AK9: variants seen among roughly 807,000 people sequenced by gnomAD.
AK9 encodes adenylate kinase domain containing 1.
A neutral mutation model predicts 239.6 loss-of-function variants in AK9; 191 were observed. The observed-to-expected ratio is 0.80, with a 90% CI of 0.71 to 0.90. The LOEUF is 0.90. Ranked by LOEUF, AK9 falls within the 40% of genes least tolerant of loss-of-function variation. The pLI is 0.00. For synonymous variants in AK9, 689 were observed against 721.0 expected (o/e 0.96, Z 0.71); for missense variants, 1,995 against 2,214.7 (o/e 0.90, Z 1.99).
At chr6:109,683,280 A>G (rs1583573982) in intron 1 of AK9, among the ~76,000 whole-genome samples, 1 of 152,362 alleles carries the variant, frequency 6.6e-6, no homozygotes, top group Middle Eastern at 3.4e-3. Flanking sequence ...TGACAAGCCC[A>G]CAGCCAATAT....
intron 8 of AK9, among the ~76,000 whole-genome samples, chr6:109,650,641 A>T (rs1483670179): frequency 6.6e-6 from 1 of 152,200 alleles, no homozygotes; most frequent in Non-Finnish European, 1.5e-5. Context: ...TGGGACTGTA[A>T]ACTAGTTCAA....
chr6:109,673,379 C>T (rs1771220414), intron 3 of AK9, among the ~76,000 whole-genome samples: 1 of 152,020 alleles, frequency 6.6e-6, no homozygotes. Flanking sequence ...CAAATATGGA[C>T]CAGTGTTATG....
intron 24 of AK9, among the ~76,000 whole-genome samples, chr6:109,562,318 T>C (rs971684553): frequency 2.6e-5 from 4 of 152,258 alleles, no homozygotes; most frequent in African/African-American, 9.6e-5. Flanking sequence ...TTTCATTTCA[T>C]ATATTGTACT....
chr6:109,592,587 C>T (rs1374480608), intron 17 of AK9, among the ~76,000 whole-genome samples: 2 of 151,944 alleles, frequency 1.3e-5, no homozygotes, highest in Non-Finnish European at 2.9e-5. Context: ...GCTGGGACTA[C>T]AGGCGCCTGC....
rs756348710 is a variant in AK9 at position 109,585,082 on chromosome 6, C to T, written c.2114+41G>A. The T allele has an allele frequency of 3.8e-6, 4 of 1,044,138 alleles. No homozygotes were observed. In the African/African-American group the frequency reaches 6.7e-5, roughly 17 times the overall value. The allele number at this position is 1,044,138 out of a possible 1,614,324, so 64.7% of individuals were successfully genotyped here. A position where few individuals can be genotyped will look rare whatever the true frequency, so the allele number is the denominator to read the frequency against. On this transcript the variant is annotated intron_variant, in intron 19 of 40. Transcript: ENST00000424296. ...GCAAGAAGATATTTAACTGCTATAA[C>T]AGATACATTAATCTGTTTTATCATT... is the stretch of plus-strand genomic sequence containing the variant.
At chr6:109,604,508 C>T (rs1792576404) in intron 17 of AK9, among the ~76,000 whole-genome samples, 1 of 152,100 alleles carries the variant, frequency 6.6e-6, no homozygotes, top group South Asian at 2.1e-4. Flanking sequence ...GTGATGTAAC[C>T]TTTGGCATAT....
chr6:109,581,130 C>T (rs1394427981), intron 19 of AK9, among the ~76,000 whole-genome samples: 2 of 152,092 alleles, frequency 1.3e-5, no homozygotes, highest in Admixed American at 1.3e-4. Flanking sequence ...GCTCCACTGA[C>T]TGGCTGATCC....
chr6:109,643,304 T>A (rs147874840), intron 9 of AK9, among the ~76,000 whole-genome samples: 148 of 152,332 alleles, frequency 9.7e-4, no homozygotes, highest in Admixed American at 1.6e-3. Flanking sequence ...CATGCACTGT[T>A]ACCATGCTGC....
chr6:109,577,856 T>C lies in AK9; in HGVS notation c.2191+1694A>G, dbSNP rs1439683261. Among the ~76,000 whole-genome samples, 8 of 151,226 alleles carry C rather than the reference T, an allele frequency of 5.3e-5. No homozygotes were observed. In the East Asian group the frequency reaches 1.4e-3, roughly 26 times the overall value. ...CCTTCCTTCCTTCCTTCCTCTCTCTTTTTCTTTCTTTCTTTTTCTTTCCTT... is the reference window on the plus strand; with the variant it reads ...CCTTCCTTCCTTCCTTCCTCTCTCTCTTTCTTTCTTTCTTTTTCTTTCCTT... On this transcript the variant is annotated intron_variant, in intron 20 of 40. Transcript: ENST00000424296.
At chr6:109,555,235 G>C (rs967426901) in intron 24 of AK9, among the ~76,000 whole-genome samples, 1 of 152,146 alleles carries the variant, frequency 6.6e-6, no homozygotes, top group Non-Finnish European at 1.5e-5. Context: ...TGGTTTCAAA[G>C]AACTTCTTGA....
Position 109,614,123 on chromosome 6 carries a change from A to G in AK9, c.1609+60T>C, listed in dbSNP as rs569373312. 6.3e-4 allele frequency: 917 copies of G among 1,450,514 alleles called. 1 individual carries two copies. The highest frequency in any genetic ancestry group is 7.5e-4 in the Non-Finnish European group (794 of 1,057,928). The allele number at this position is 1,450,514 out of a possible 1,614,324, so 89.9% of individuals were successfully genotyped here. On this transcript the variant is annotated intron_variant, in intron 15 of 40. Coordinates refer to ENST00000424296, the MANE Select transcript of AK9 (RefSeq NM_001145128.3). Reference sequence around the variant, plus strand: ...TTTAAGCATAAATATAAACATAATCAAATATGAAATAAATGAAAATGAGAT... The same window carrying G: ...TTTAAGCATAAATATAAACATAATCGAATATGAAATAAATGAAAATGAGAT...
In AK9 at chr6:109,585,131, T is replaced by C. The variant is rs1371976162; in HGVS notation, c.2106A>G (p.Glu702=). The change falls in exon 19 of 41, where the codon GAA becomes GAG. Residue 702 remains glutamate, a synonymous_variant. Coordinates refer to ENST00000424296, the MANE Select transcript of AK9 (RefSeq NM_001145128.3). ...EELQKKKKEE[E]EARKATEEEL... ...TTCTAGGCAGATTTTACCTTGCTTC[T>C]TCTTCTTCTTTTTTTTTCTTTTGTA... 3 of 1,167,830 alleles carry C rather than the reference T, an allele frequency of 2.6e-6. No individual in the cohort carries two copies. In the East Asian group the frequency reaches 1.6e-4, roughly 62 times the overall value. The allele number at this position is 1,167,830 out of a possible 1,614,324, so 72.3% of individuals were successfully genotyped here. A position where few individuals can be genotyped will look rare whatever the true frequency, so the allele number is the denominator to read the frequency against.
At chr6:109,674,058 G>C in intron 3 of AK9, 140 bp downstream of exon 3, 1 of 478,224 alleles carries the variant, frequency 2.1e-6, no homozygotes, top group Admixed American at 4.3e-5. Flanking sequence ...GGACAAATGT[G>C]TGATAAAGCA....
rs1788034636 is a variant in AK9, at chr6:109,576,069, CTATA to C, written c.2192-2479_2192-2476del. Among the ~76,000 whole-genome samples, 4 of 152,260 alleles carry C rather than the reference CTATA, an allele frequency of 2.6e-5. No homozygotes were observed. The South Asian group carries it at 8.3e-4, about 32-fold the overall frequency. ...TAGCAGTACCATGCTGTTTTGGTAA[CTATA>C]TCCTTGAAGTATAGTTTGAAGTTGG... On this transcript the variant is annotated intron_variant, in intron 20 of 40. Coordinates refer to ENST00000424296, the MANE Select transcript of AK9 (RefSeq NM_001145128.3).
intron 1 of AK9, among the ~76,000 whole-genome samples, chr6:109,690,304 A>G (rs1774150118): frequency 6.6e-6 from 1 of 152,234 alleles, no homozygotes; most frequent in Admixed American, 6.5e-5. Context: ...TAAATACTTC[A>G]GTCGTTGAAA....
At chr6:109,644,356 A>G (rs2128291560) in intron 9 of AK9, 1 of 328,746 alleles carries the variant, frequency 3.0e-6, no homozygotes. Context: ...GCATCTTCTC[A>G]TGTGCTTTTG....
At chr6:109,673,797 C>A (rs906165451) in intron 3 of AK9, among the ~76,000 whole-genome samples, 1 of 151,594 alleles carries the variant, frequency 6.6e-6, no homozygotes, top group Non-Finnish European at 1.5e-5. Flanking sequence ...AAAACTAGGA[C>A]AAACAGAAGG....
At chr6:109,577,073 G>C (rs765593656) in intron 20 of AK9, among the ~76,000 whole-genome samples, 1 of 151,996 alleles carries the variant, frequency 6.6e-6, no homozygotes, top group Non-Finnish European at 1.5e-5. Context: ...CTTGTGATCG[G>C]CCCACCTCGG....
Position 109,614,397 on chromosome 6 carries a change from T to C in AK9, c.1483A>G (p.Ile495Val). ...TATATTTCTTTACCTTCTTCATCAA[T>C]TGATGAGTGTGTTGCCTCCATTGGG... is the stretch of plus-strand genomic sequence containing the variant. ...VFPMEATHSS[I>V]DEEGYIQGSQ... Residue 495 changes from isoleucine to valine, a missense_variant, in exon 14 of 41, where the codon ATT (isoleucine) becomes GTT (valine). By Grantham distance (29) the Ile-to-Val change is conservative. This residue lies in a region of AK9 where 1,290 missense variants were observed against 1,392.7 expected (regional missense o/e 0.93). Coordinates refer to ENST00000424296, the MANE Select transcript of AK9 (RefSeq NM_001145128.3). 1.9e-6 allele frequency: 3 copies of C among 1,551,268 alleles called. No individual in the cohort carries two copies. The highest frequency in any genetic ancestry group is 8.7e-7 in the Non-Finnish European group (1 of 1,146,656).
Sources: allele counts gnomAD v4.1 joint callset (sites outside exome capture counted in the v4.1 genomes callset), GRCh38; gene constraint gnomAD v4.1.1; regional missense constraint gnomAD v4.1.1; transcripts MANE v1.5; gene names NCBI Gene and HGNC (gene_info 2026-07-23, HGNC 2026-07-21).